The following ALDH1L1 variants were observed in gnomAD, a reference collection of about 807,000 sequenced individuals.
ALDH1L1 encodes the protein cytosolic 10-formyltetrahydrofolate dehydrogenase.
In ALDH1L1, 68 loss-of-function variants were observed where a neutral mutation model predicts 101.1. The ratio of observed to expected loss-of-function variants is 0.67; its 90% CI spans 0.55 to 0.82. The LOEUF (loss-of-function observed/expected upper bound fraction) is 0.82. ALDH1L1 is among the 40% of genes least tolerant of loss of function. ALDH1L1 has a pLI of 0.00. For synonymous variants in ALDH1L1, 486 were observed against 470.8 expected, an observed-to-expected ratio of 1.03 and a Z score of -0.42; for missense variants, 1,087 against 1,172.7, an observed-to-expected ratio of 0.93 and a Z score of 1.07.
intron 1 of ALDH1L1, among the ~76,000 whole-genome samples, chr3:126,169,922 C>G (rs892579825): frequency 6.6e-6 from 1 of 152,132 alleles, no homozygotes; most frequent in Non-Finnish European, 1.5e-5. Flanking sequence ...TCTTGCCTAA[C>G]ATTTTTCAAT....
At chr3:126,134,491 C>A (rs2080382545) in intron 12 of ALDH1L1, among the ~76,000 whole-genome samples, 2 of 152,206 alleles carry the variant, frequency 1.3e-5, no homozygotes, top group African/African-American at 4.8e-5. Flanking sequence ...CTTGGCGTGG[C>A]CAGTGCCTTT....
At chr3:126,192,642 T>C (rs907233594) in intron 1 of ALDH1L1, among the ~76,000 whole-genome samples, 6 of 152,200 alleles carry the variant, frequency 3.9e-5, no homozygotes, top group Admixed American at 2.0e-4. Flanking sequence ...GAGTGTCACA[T>C]AGGAAGAAGG....
At chr3:126,169,572 A>C (rs540899623) in intron 1 of ALDH1L1, among the ~76,000 whole-genome samples, 1 of 152,220 alleles carries the variant, frequency 6.6e-6, no homozygotes, top group Non-Finnish European at 1.5e-5. Context: ...TGGTAAGTAA[A>C]GAATGTCACT....
chr3:126,161,653 T>A (rs1349392930), intron 1 of ALDH1L1, among the ~76,000 whole-genome samples: 1 of 152,252 alleles, frequency 6.6e-6, no homozygotes. Flanking sequence ...CTCACGCATA[T>A]CTGTAAAACC....
In ALDH1L1 at chr3:126,110,023, C is replaced by T; in HGVS notation, c.2268G>A (p.Val756=). The T allele has an allele frequency of 6.2e-7, 1 of 1,614,234 alleles. No homozygotes were observed. ...CATGCTGGCAGTACTCCATCAGCTTCACAAGGTGGGCATGGTGATTCTGCG... is the reference window on the plus strand; with the variant it reads ...CATGCTGGCAGTACTCCATCAGCTTTACAAGGTGGGCATGGTGATTCTGCG... ...HGPQNHHAHL[V]KLMEYCQHGV... The change falls in exon 20 of 23, where the codon GTG becomes GTA. Residue 756 remains valine (V), a synonymous_variant. Coordinates refer to ENST00000393434, the MANE Select transcript of ALDH1L1 (RefSeq NM_012190.4).
In ALDH1L1 at chr3:126,110,067, T is replaced by C. The variant is rs892397923; in HGVS notation, c.2224A>G (p.Arg742Gly). ...RKMKVGNPLD[R>G]DTDHGPQNHH... ...TTCTGCGGCCCGTGGTCGGTGTCCC[T>C]GTCCAGCGGGTTGCCCACCTTCATC... is the stretch of plus-strand genomic sequence containing the variant. The change falls in exon 20 of 23, where the codon AGG becomes GGG. Residue 742 changes from arginine to glycine, a missense_variant. Arg to Gly is a moderately radical substitution (Grantham distance 125). Around this residue, in one of 2 missense-constraint regions of ALDH1L1, gnomAD observed 442 missense variants for 535.7 expected, o/e 0.83. Transcript: ENST00000393434. The C allele has an allele frequency of 5.6e-6, 9 of 1,614,214 alleles. No homozygotes were observed. Among genetic ancestry groups the C allele is most frequent in the Non-Finnish European group, 7.6e-6 (9 of 1,180,026 alleles).
intron 20 of ALDH1L1, among the ~76,000 whole-genome samples, chr3:126,108,297 G>A (rs993418008): frequency 2.6e-5 from 4 of 152,206 alleles, no homozygotes; most frequent in Admixed American, 1.3e-4. Context: ...CCAGAAGGCA[G>A]CCCCATCCCA....
At chr3:126,125,765 G>A in intron 14 of ALDH1L1, 44 bp from the exon 15 acceptor site, 1 of 1,372,938 alleles carries the variant, frequency 7.3e-7, no homozygotes, top group Admixed American at 2.3e-5. Flanking sequence ...TTCTCCACCA[G>A]GCCCACAGTG....
intron 22 of ALDH1L1, chr3:126,104,154 G>A (rs115050642): frequency 0.016 from 7,624 of 464,208 alleles, 78 homozygotes; most frequent in Admixed American, 0.021. Flanking sequence ...GAGACTTGGC[G>A]TTACTGCCCA....
In ALDH1L1 at chr3:126,110,013, C is replaced by T. The variant is rs367736275; in HGVS notation, c.2278G>A (p.Glu760Lys). 4.5e-5 allele frequency: 72 copies of T among 1,614,230 alleles called. No individual in the cohort carries two copies. The East Asian group carries it at 6.9e-4, about 15-fold the overall frequency. The change falls in exon 20 of 23, where the codon GAG becomes AAG. Residue 760 changes from glutamate (E) to lysine (K), a missense_variant. Physicochemically the swap from Glu to Lys is moderately conservative, Grantham distance 56. Coordinates refer to ENST00000393434, the MANE Select transcript of ALDH1L1 (RefSeq NM_012190.4). ...TCCTTCACGCCATGCTGGCAGTACT[C>T]CATCAGCTTCACAAGGTGGGCATGG... is the stretch of plus-strand genomic sequence containing the variant. ...NHHAHLVKLM[E>K]YCQHGVKEGA...
chr3:126,105,471 G>A (rs1945832112), intron 22 of ALDH1L1: 4 of 513,228 alleles, frequency 7.8e-6, no homozygotes, highest in Non-Finnish European at 1.4e-5. Context: ...ACACCAGAGA[G>A]GCCCCCAGTG....
chr3:126,197,519 C>T (rs1318974668), intron 1 of ALDH1L1, among the ~76,000 whole-genome samples: 1 of 152,200 alleles, frequency 6.6e-6, no homozygotes, highest in East Asian at 1.9e-4. Flanking sequence ...AGTCCTCTAA[C>T]TGGATCCAAG....
At chr3:126,153,336 T>C in intron 7 of ALDH1L1, 108 bp downstream of exon 7, 2 of 1,566,582 alleles carry the variant, frequency 1.3e-6, no homozygotes, top group Non-Finnish European at 1.7e-6. Context: ...GGGTCTGGTT[T>C]TTTCCATTTT....
At chr3:126,197,230 C>A in intron 1 of ALDH1L1, among the ~76,000 whole-genome samples, 1 of 152,202 alleles carries the variant, frequency 6.6e-6, no homozygotes, top group East Asian at 1.9e-4. Context: ...TTCGCTGTTT[C>A]TGTAAGACTT....
intron 1 of ALDH1L1, among the ~76,000 whole-genome samples, chr3:126,178,396 GAA>G (rs60923667): frequency 0.014 from 1,773 of 123,486 alleles, 33 homozygotes; most frequent in African/African-American, 0.047. Flanking sequence ...AAAAAAAAAA[GAA>G]AAAAAAAAAA....
intron 16 of ALDH1L1, among the ~76,000 whole-genome samples, chr3:126,123,683 T>C (rs1174148777): frequency 7.5e-6 from 1 of 134,052 alleles, no homozygotes; most frequent in Non-Finnish European, 1.6e-5. Flanking sequence ...CACAAGGGAA[T>C]AATAAAAGCA....
chr3:126,136,548 G>A (rs542915336), intron 11 of ALDH1L1, among the ~76,000 whole-genome samples: 7 of 152,122 alleles, frequency 4.6e-5, no homozygotes, highest in South Asian at 2.1e-4. Context: ...AGACCCTTCC[G>A]AGCCCTCCTG....
upstream of ALDH1L1, among the ~76,000 whole-genome samples, chr3:126,185,375 C>T (rs1029316657): frequency 2.0e-5 from 3 of 152,296 alleles, no homozygotes; most frequent in Non-Finnish European, 2.9e-5. Flanking sequence ...TCCAGGTGCT[C>T]GCACCTCTAT....
At chr3:126,122,709 A>C (rs2080102245) in intron 16 of ALDH1L1, among the ~76,000 whole-genome samples, 1 of 152,256 alleles carries the variant, frequency 6.6e-6, no homozygotes, top group African/African-American at 2.4e-5. Flanking sequence ...ATCCAGAAGT[A>C]ACATTTGTAC....
Sources: gnomAD v4.1 joint callset for allele counts (sites outside exome capture counted in the v4.1 genomes callset) on GRCh38, gnomAD v4.1.1 for gene constraint, gnomAD v4.1.1 regional missense constraint, MANE v1.5 for transcripts, NCBI Gene and HGNC (gene_info 2026-07-23, HGNC 2026-07-21) for gene names.